Variants in SLC15A1 observed in about 807,000 individuals in gnomAD.
SLC15A1 encodes Caco-2 oligopeptide transporter.
SLC15A1 carries 83 observed loss-of-function variants against 92.9 expected under a neutral mutation model. The ratio of observed to expected loss-of-function variants is 0.89; its 90% CI spans 0.75 to 1.07. The LOEUF is 1.07. SLC15A1 is among the 50% of genes least tolerant of loss of function. SLC15A1 has a pLI of 0.00. For synonymous variants in SLC15A1, 322 were observed against 318.2 expected (o/e 1.01, Z -0.13); for missense variants, 857 against 880.1 (o/e 0.97, Z 0.33).
intron 1 of SLC15A1, among the ~76,000 whole-genome samples, chr13:98,748,286 CTTT>C (rs2088512501): frequency 6.6e-6 from 1 of 152,114 alleles, no homozygotes; most frequent in African/African-American, 2.4e-5. Context: ...CTCTTTACTT[CTTT>C]GTTTTTGTCT....
Position 98,684,768 on chromosome 13 carries a change from T to C in SLC15A1, c.2083A>G (p.Asn695Asp), listed in dbSNP as rs759054731. Residue 695 changes from asparagine to aspartate, a missense_variant, in exon 23 of 23, where the codon AAC becomes GAC. By Grantham distance (23) the Asn-to-Asp change is conservative (BLOSUM62 1). Transcript: ENST00000376503. Reference sequence around the variant, plus strand: ...TTGGCCCCTGACATGAAATATGGGTTACTCTTTTCCAGTCTGTTTTTCTTT... The same window carrying C: ...TTGGCCCCTGACATGAAATATGGGTCACTCTTTTCCAGTCTGTTTTTCTTT... ...DEKKNRLEKSNPYFMSGANSQ... is the reference protein window; with the variant it reads ...DEKKNRLEKSDPYFMSGANSQ... The C allele has an allele frequency of 6.2e-7, 1 of 1,614,100 alleles. No individual in the cohort carries two copies. Among genetic ancestry groups the C allele is most frequent in the Non-Finnish European group, 8.5e-7 (1 of 1,180,024 alleles).
intron 17 of SLC15A1, among the ~76,000 whole-genome samples, chr13:98,703,539 CTTTTTTTTTTTTTTT>C (rs771426478): frequency 2.1e-4 from 18 of 85,546 alleles, no homozygotes; most frequent in African/African-American, 7.2e-4. Flanking sequence ...GCTGCTGCTG[CTTTTTTTTTTTTTTT>C]TTTTTTTTTT....
chr13:98,745,497 C>T (rs778311541), intron 1 of SLC15A1, among the ~76,000 whole-genome samples: 1 of 152,182 alleles, frequency 6.6e-6, no homozygotes, highest in Non-Finnish European at 1.5e-5. Context: ...CCAGGTCATA[C>T]TGGGACAAGG....
intron 1 of SLC15A1, among the ~76,000 whole-genome samples, chr13:98,748,825 T>G (rs1358470479): frequency 2.0e-5 from 3 of 152,108 alleles, no homozygotes; most frequent in Non-Finnish European, 4.4e-5. Flanking sequence ...AGCGTGGGCC[T>G]GGGAGCAGCA....
At chr13:98,747,857 G>A (rs1025235392) in intron 1 of SLC15A1, among the ~76,000 whole-genome samples, 1 of 152,160 alleles carries the variant, frequency 6.6e-6, no homozygotes, top group Non-Finnish European at 1.5e-5. Context: ...CTCCAGCCTG[G>A]TTGACAGAGC....
At chr13:98,690,685 G>A (rs530363193) in intron 18 of SLC15A1, among the ~76,000 whole-genome samples, 8 of 152,258 alleles carry the variant, frequency 5.3e-5, no homozygotes, top group African/African-American at 1.9e-4. Context: ...CAGTGGTGAT[G>A]GGAACCTCAC....
rs538013248 is a variant in SLC15A1, at chr13:98,752,518, C to G, written c.4+77G>C. On this transcript the variant is annotated intron_variant, in intron 1 of 22. Coordinates refer to ENST00000376503, the MANE Select transcript of SLC15A1 (RefSeq NM_005073.4). ...CGCCGCCGCGTACCCTTCGCGCCTC[C>G]CGGCCCTCGGTGCCGGCCCCCGCCC... 236 of 1,239,904 alleles carry G rather than the reference C, an allele frequency of 1.9e-4. No homozygotes were observed. In the African/African-American group the frequency reaches 3.2e-3, roughly 17 times the overall value. The allele number at this position is 1,239,904 out of a possible 1,614,324, so 76.8% of individuals were successfully genotyped here.
chr13:98,712,529 T>C lies in SLC15A1; in HGVS notation c.779A>G (p.His260Arg). 1 of 1,612,050 alleles carries C rather than the reference T, an allele frequency of 6.2e-7. No homozygotes were observed. The highest frequency in any genetic ancestry group is 8.5e-7 in the Non-Finnish European group (1 of 1,179,158). The change falls in exon 10 of 23, where the codon CAC (histidine) becomes CGC (arginine). Residue 260 changes from histidine (H) to arginine (R), a missense_variant. Physicochemically the swap from His to Arg is conservative, Grantham distance 29. Coordinates refer to ENST00000376503, the MANE Select transcript of SLC15A1 (RefSeq NM_005073.4). ...HRSKAFPKRE[H>R]WLDWAKEKYD... ...TTTCTCTTTAGCCCAGTCCAGCCAGTGCTCCCTCTTGGGAAATGCCTTACT... is the reference window on the plus strand; with the variant it reads ...TTTCTCTTTAGCCCAGTCCAGCCAGCGCTCCCTCTTGGGAAATGCCTTACT...
intron 18 of SLC15A1, among the ~76,000 whole-genome samples, chr13:98,690,497 C>A (rs1041939966): frequency 3.9e-5 from 6 of 152,170 alleles, no homozygotes; most frequent in Non-Finnish European, 8.8e-5. Context: ...GAACGTTGGG[C>A]CTGAGGCCTG....
At chr13:98,709,833 G>A (rs746624055) in intron 12 of SLC15A1, 34 bp downstream of exon 12, 11 of 1,613,958 alleles carry the variant, frequency 6.8e-6, no homozygotes, top group Middle Eastern at 1.6e-4. Context: ...GAAGAAAGGG[G>A]ACAAAGAAAC....
intron 1 of SLC15A1, among the ~76,000 whole-genome samples, chr13:98,748,842 C>T (rs543140424): frequency 2.1e-4 from 32 of 152,306 alleles, no homozygotes; most frequent in African/African-American, 7.0e-4. Context: ...AGCAGCATCA[C>T]ACCACGTGGG....
At chr13:98,741,021 T>A (rs1476653397) in intron 1 of SLC15A1, among the ~76,000 whole-genome samples, 1 of 152,188 alleles carries the variant, frequency 6.6e-6, no homozygotes, top group Non-Finnish European at 1.5e-5. Flanking sequence ...TTTTTTCTTC[T>A]TGGATTTGAA....
chr13:98,741,679 A>G (rs1257618682), intron 1 of SLC15A1, among the ~76,000 whole-genome samples: 3 of 150,134 alleles, frequency 2.0e-5, no homozygotes, highest in East Asian at 2.0e-4. Flanking sequence ...AGCTGAGATC[A>G]TACTACCGCA....
Position 98,706,136 on chromosome 13 carries a change from G to T in SLC15A1, c.1267C>A (p.Gln423Lys). The T allele has an allele frequency of 6.2e-7, 1 of 1,607,482 alleles. No individual in the cohort carries two copies. Among genetic ancestry groups the T allele is most frequent in the Non-Finnish European group, 8.5e-7 (1 of 1,178,556 alleles). The change falls in exon 16 of 23, where the codon CAA (glutamine) becomes AAA (lysine). Residue 423 changes from glutamine to lysine, a missense_variant and splice_region_variant. Gln to Lys is a moderately conservative substitution (Grantham distance 53). Coordinates refer to ENST00000376503, the MANE Select transcript of SLC15A1 (RefSeq NM_005073.4). Reference sequence around the variant, plus strand: ...GGCAGCAATTTCCTTCTACTTACTTGAGACATTGGGCCAAGTGTCACCATC... The same window carrying T: ...GGCAGCAATTTCCTTCTACTTACTTTAGACATTGGGCCAAGTGTCACCATC... ...GEMVTLGPMS[Q>K]TNAFMTFDVN...
chr13:98,708,873 A>C, intron 14 of SLC15A1, 106 bp from the exon 15 acceptor site: 8 of 666,884 alleles, frequency 1.2e-5, no homozygotes, highest in African/African-American at 1.9e-5. Flanking sequence ...CCTTCCAAAA[A>C]CATGGGCTTG....
At chr13:98,690,660 C>T (rs1199338530) in intron 18 of SLC15A1, among the ~76,000 whole-genome samples, 1 of 152,108 alleles carries the variant, frequency 6.6e-6, no homozygotes, top group Non-Finnish European at 1.5e-5. Flanking sequence ...CTGGGAAATG[C>T]GTCCGGAGGC....
At chr13:98,745,663 T>C (rs573187609) in intron 1 of SLC15A1, among the ~76,000 whole-genome samples, 2 of 152,214 alleles carry the variant, frequency 1.3e-5, no homozygotes, top group East Asian at 3.9e-4. Flanking sequence ...CTGGATCGGC[T>C]TCACCCCCAG....
chr13:98,704,553 CA>C, intron 16 of SLC15A1, 118 bp from the exon 17 acceptor site: 19 of 1,050,468 alleles, frequency 1.8e-5, no homozygotes, highest in Non-Finnish European at 2.2e-5. Context: ...TCATAGATAC[CA>C]AAAAAATGCC....
intron 1 of SLC15A1, among the ~76,000 whole-genome samples, chr13:98,748,610 C>T (rs1259817377): frequency 2.6e-5 from 4 of 152,122 alleles, no homozygotes; most frequent in South Asian, 2.1e-4. Flanking sequence ...TACGTTAAGA[C>T]GGCACCGGCA....
Sources: allele counts gnomAD v4.1 joint callset (sites outside exome capture counted in the v4.1 genomes callset), GRCh38; gene constraint gnomAD v4.1.1; transcripts MANE v1.5; gene names NCBI Gene and HGNC (gene_info 2026-07-23, HGNC 2026-07-21).